PHF21B: variants seen among roughly 807,000 people sequenced by gnomAD.
PHF21B encodes the protein PHD finger protein 21B.
A neutral mutation model predicts 62.2 loss-of-function variants in PHF21B; 22 were observed. That is an observed-to-expected ratio of 0.35 (90% CI 0.25 to 0.51). The LOEUF is 0.51. Among genes scored for constraint, PHF21B ranks in the 20% least tolerant of loss-of-function variants. The pLI, the probability that PHF21B is intolerant of heterozygous loss-of-function variation, is 0.97. For synonymous variants in PHF21B, 341 were observed against 314.7 expected (o/e 1.08, Z -0.88); for missense variants, 701 against 707.9 (o/e 0.99, Z 0.11).
At chr22:44,883,766 T>C (rs56903819) in intron 12 of PHF21B, among the ~76,000 whole-genome samples, 95,091 of 151,908 alleles carry the variant, frequency 0.63, 29,960 homozygotes, top group African/African-American at 0.71. Context: ...TACAGTCCCA[T>C]ATCCATCTGC....
At chr22:45,005,500 C>T (rs769702158) in intron 2 of PHF21B, among the ~76,000 whole-genome samples, 13 of 152,210 alleles carry the variant, frequency 8.5e-5, no homozygotes, top group Non-Finnish European at 1.8e-4. Flanking sequence ...TCTCTATCTA[C>T]CCTGACCAAT....
chr22:44,946,354 T>G (rs1014908160), intron 2 of PHF21B, among the ~76,000 whole-genome samples: 1 of 152,130 alleles, frequency 6.6e-6, no homozygotes, highest in African/African-American at 2.4e-5. Flanking sequence ...CCTCCCGACA[T>G]GCCTACAATC....
rs1380117347 is a variant in PHF21B, at chr22:44,888,014, G to A, written c.1146C>T (p.Pro382=). The A allele has an allele frequency of 6.4e-7, 1 of 1,571,012 alleles. No homozygotes were observed. ...ACACGCCCTTGGGCGCCGTCTTGAGGGGCGGCTCCAGGCAGCTGAGGTGGT... is the reference window on the plus strand; with the variant it reads ...ACACGCCCTTGGGCGCCGTCTTGAGAGGCGGCTCCAGGCAGCTGAGGTGGT... ...GAYHLSCLEP[P]LKTAPKGVWV... is the part of the protein sequence containing the mutation. Residue 382 remains proline (P), a synonymous_variant, in exon 10 of 13, where the codon CCC becomes CCT. Coordinates refer to ENST00000313237, the MANE Select transcript of PHF21B (RefSeq NM_138415.5).
chr22:44,933,916 C>T (rs1177441298), intron 2 of PHF21B, among the ~76,000 whole-genome samples: 1 of 152,228 alleles, frequency 6.6e-6, no homozygotes, highest in East Asian at 1.9e-4. Flanking sequence ...GGAGACAGGC[C>T]ATGGACTCGT....
chr22:44,917,378 C>T (rs981095353), intron 3 of PHF21B, among the ~76,000 whole-genome samples: 2 of 152,122 alleles, frequency 1.3e-5, no homozygotes, highest in Admixed American at 1.3e-4. Flanking sequence ...CTGTCACCAG[C>T]ACCCCCACAC....
chr22:44,952,923 G>A (rs1036690100), intron 2 of PHF21B, among the ~76,000 whole-genome samples: 6 of 150,890 alleles, frequency 4.0e-5, no homozygotes, highest in Admixed American at 1.3e-4. Context: ...GGTTGCCCTC[G>A]GGACTGCTGA....
At chr22:44,981,736 C>T (rs946379954) in intron 2 of PHF21B, among the ~76,000 whole-genome samples, 7 of 152,156 alleles carry the variant, frequency 4.6e-5, no homozygotes, top group Admixed American at 3.9e-4. Flanking sequence ...AACAGCTACA[C>T]GGGGACCAAC....
Position 45,009,098 on chromosome 22 carries a change from ACTT to A in PHF21B, c.54+395_54+397del. The A allele has an allele frequency of 8.3e-6, 8 of 959,990 alleles. No individual in the cohort carries two copies. The highest frequency in any genetic ancestry group is 1.0e-5 in the Non-Finnish European group (8 of 766,706). 59.5% of individuals were successfully genotyped at this position (959,990 alleles called of 1,614,324 possible). A position where few individuals can be genotyped will look rare whatever the true frequency, so the allele number is the denominator to read the frequency against. ...CTCGCCAGCAGCGATCGCCAAAACT[ACTT>A]CTGCACACCGGGCAGGTTCGCCCGG... On this transcript the variant is annotated intron_variant, in intron 1 of 12. Coordinates refer to ENST00000313237, the MANE Select transcript of PHF21B (RefSeq NM_138415.5). This position sits in a 1 kb window ranked among gnomAD's most constrained non-coding sequence, Gnocchi z 5.9.
At chr22:44,981,483 T>TG (rs2072841117) in intron 2 of PHF21B, among the ~76,000 whole-genome samples, 1 of 152,232 alleles carries the variant, frequency 6.6e-6, no homozygotes, top group South Asian at 2.1e-4. Context: ...ACCCAAGGCC[T>TG]GGCAGGCAGC....
rs910520084 is a variant in PHF21B, at chr22:44,884,607, A to G, written c.1377+819T>C. On this transcript the variant is annotated intron_variant, in intron 12 of 12. Transcript: ENST00000313237. Reference sequence around the variant, plus strand: ...GATCAGCACCATCAACACCACCATCACCATAATCACCACCATAATCACCAT... The same window carrying G: ...GATCAGCACCATCAACACCACCATCGCCATAATCACCACCATAATCACCAT... Among the ~76,000 whole-genome samples the G allele has an allele frequency of 7.9e-5, 12 of 151,850 alleles. 3 individuals are homozygous for G.
At chr22:44,907,625 C>T (rs931420417) in intron 5 of PHF21B, among the ~76,000 whole-genome samples, 9 of 152,206 alleles carry the variant, frequency 5.9e-5, no homozygotes, top group African/African-American at 2.2e-4. Flanking sequence ...CAAGGAGGTT[C>T]TGGCCTTGGT....
Position 44,916,595 on chromosome 22 carries a change from G to T in PHF21B, c.249C>A (p.Pro83=). 7.5e-6 allele frequency: 12 copies of T among 1,604,056 alleles called. No homozygotes were observed. The highest frequency in any genetic ancestry group is 1.0e-5 in the Non-Finnish European group (12 of 1,179,930). Reference sequence around the variant, plus strand: ...GTGGCCGGTCCCGGCCCGGGGCAACGGGGAGGCTGTCTGGAATCAGAGTCT... The same window carrying T: ...GTGGCCGGTCCCGGCCCGGGGCAACTGGGAGGCTGTCTGGAATCAGAGTCT... ...RPKTLIPDSL[P]VAPGRDRPPK... is the part of the protein sequence containing the mutation. The change falls in exon 4 of 13, where the codon CCC becomes CCA. Residue 83 remains proline (P), a synonymous_variant. Coordinates refer to ENST00000313237, the MANE Select transcript of PHF21B (RefSeq NM_138415.5).
rs2071396331 is a variant in PHF21B, at chr22:44,914,190, T to G, written c.565-102A>C. The G allele has an allele frequency of 1.4e-5, 8 of 577,184 alleles. No homozygotes were observed. In the South Asian group the frequency reaches 1.9e-4, roughly 14 times the overall value. The allele number at this position is 577,184 out of a possible 1,614,324, so 35.8% of individuals were successfully genotyped here. A position where few individuals can be genotyped will look rare whatever the true frequency, so the allele number is the denominator to read the frequency against. On this transcript the variant is annotated intron_variant, in intron 4 of 12. Transcript: ENST00000313237. ...GGCAGGGGTTGGGGAGCACAGAGCC[T>G]GGGCCAGGCCAACCTGGGAGGGCGG... is the stretch of plus-strand genomic sequence containing the variant.
chr22:44,936,205 G>A (rs777609390), intron 2 of PHF21B, among the ~76,000 whole-genome samples: 1 of 152,228 alleles, frequency 6.6e-6, no homozygotes, highest in African/African-American at 2.4e-5. Flanking sequence ...GCTACGGAAC[G>A]GGGCTGTGGG....
At chr22:44,896,852 T>A (rs1199464989) in intron 5 of PHF21B, among the ~76,000 whole-genome samples, 1 of 150,152 alleles carries the variant, frequency 6.7e-6, no homozygotes, top group Non-Finnish European at 1.5e-5. Context: ...CTGTCACTTA[T>A]GAAACAGGGT....
intron 2 of PHF21B, among the ~76,000 whole-genome samples, chr22:44,965,114 G>A (rs2072499216): frequency 1.3e-5 from 2 of 152,134 alleles, no homozygotes; most frequent in Admixed American, 6.5e-5. Flanking sequence ...GTCCCAGCCT[G>A]GGACTCAACC....
intron 5 of PHF21B, chr22:44,902,468 A>G (rs2071177087): frequency 1.2e-5 from 2 of 170,708 alleles, no homozygotes; most frequent in South Asian, 1.5e-4. Context: ...TAAAAATAAA[A>G]TAACTATTTT....
chr22:44,881,979 G>A lies in PHF21B; in HGVS notation c.*1107C>T, dbSNP rs568292272. On this transcript the variant is annotated 3_prime_UTR_variant, in exon 13 of 13. Transcript: ENST00000313237. ...CCTGCCGGATCTTCCAGCTTGGCCAGGCTTCCCGAGGGGAGGTGTTCCCAT... is the reference window on the plus strand; with the variant it reads ...CCTGCCGGATCTTCCAGCTTGGCCAAGCTTCCCGAGGGGAGGTGTTCCCAT... 5.5e-4 allele frequency: 84 copies of A among 152,742 alleles called. No individual in the cohort carries two copies. Among genetic ancestry groups the A allele is most frequent in the African/African-American group, 1.9e-3 (78 of 41,570 alleles). The allele number at this position is 152,742 out of a possible 1,614,324, so 9.5% of individuals were successfully genotyped here.
intron 2 of PHF21B, among the ~76,000 whole-genome samples, chr22:44,957,308 G>GT (rs1030070794): frequency 8.5e-5 from 13 of 152,174 alleles, no homozygotes; most frequent in Non-Finnish European, 1.5e-4. Flanking sequence ...AGTTGTTTCG[G>GT]TTTTTTCCCT....
Sources: gnomAD v4.1 joint callset for allele counts (sites outside exome capture counted in the v4.1 genomes callset) on GRCh38, gnomAD v4.1.1 for gene constraint, Gnocchi (gnomAD v3.1) non-coding constraint, MANE v1.5 for transcripts, NCBI Gene and HGNC (gene_info 2026-07-23, HGNC 2026-07-21) for gene names.